The following ALK variants were observed in gnomAD, a reference collection of about 807,000 sequenced individuals.
The protein encoded by ALK is ALK tyrosine kinase receptor.
Under a neutral mutation model 163.1 loss-of-function variants are expected in ALK, and 74 were observed. The ratio of observed to expected loss-of-function variants is 0.45; its 90% CI spans 0.38 to 0.55. The LOEUF (loss-of-function observed/expected upper bound fraction) is 0.55. ALK is among the 20% of genes least tolerant of loss of function. The probability of loss-of-function intolerance (pLI) is 0.00; values close to 1 mark genes in which losing one functional copy is unlikely to be tolerated. For synonymous variants in ALK, 960 were observed against 843.2 expected (o/e 1.14, Z -2.40); for missense variants, 2,063 against 2,105.3 (o/e 0.98, Z 0.39).
At chr2:29,878,446 CT>C (rs1351908170) in intron 1 of ALK, among the ~76,000 whole-genome samples, 2 of 152,202 alleles carry the variant, frequency 1.3e-5, no homozygotes, top group African/African-American at 4.8e-5. Flanking sequence ...GCTCACATGA[CT>C]TGCCTGAGAT....
At chr2:29,413,832 C>T (rs1669797002) in intron 4 of ALK, among the ~76,000 whole-genome samples, 1 of 152,144 alleles carries the variant, frequency 6.6e-6, no homozygotes, top group Non-Finnish European at 1.5e-5. Flanking sequence ...CTCACCCAGC[C>T]TAATTTTTAT....
chr2:29,389,769 C>T (rs1005717881), intron 4 of ALK, among the ~76,000 whole-genome samples: 1 of 152,152 alleles, frequency 6.6e-6, no homozygotes, highest in African/African-American at 2.4e-5. Flanking sequence ...TGACGCCTTC[C>T]CTGTTAGGAG....
chr2:29,422,492 C>T (rs1338399124), intron 4 of ALK, among the ~76,000 whole-genome samples: 2 of 147,112 alleles, frequency 1.4e-5, no homozygotes, highest in African/African-American at 5.5e-5. Flanking sequence ...TACTTTTGCA[C>T]CAACCTAATA....
chr2:29,383,322 T>A, intron 5 of ALK, among the ~76,000 whole-genome samples: 1 of 144,854 alleles, frequency 6.9e-6, no homozygotes, highest in Non-Finnish European at 1.5e-5. Context: ...CACTCTAGAC[T>A]TTTTTTTTTT....
At chr2:29,228,753 G>A in intron 16 of ALK, 131 bp downstream of exon 16, 5 of 693,202 alleles carry the variant, frequency 7.2e-6, no homozygotes, top group Admixed American at 2.1e-5. Flanking sequence ...AGGTCGAGAG[G>A]GAGGCGTGCA....
chr2:29,811,577 G>A (rs1350991045), intron 1 of ALK, among the ~76,000 whole-genome samples: 2 of 152,168 alleles, frequency 1.3e-5, no homozygotes, highest in Non-Finnish European at 2.9e-5. Context: ...CTAACTCATT[G>A]CTTCACACAG....
In ALK at chr2:29,517,472, T is replaced by C. The variant is rs141223403; in HGVS notation, c.1154+14443A>G. Among the ~76,000 whole-genome samples, 46 of 152,264 alleles carry C rather than the reference T, an allele frequency of 3.0e-4. No individual in the cohort carries two copies. In the East Asian group the frequency reaches 8.7e-3, roughly 29 times the overall value. ...ATTAAATCATTTAACCAATCCTCTA[T>C]GAGGACGTCCAGATTTCTTCAGAAA... is the stretch of plus-strand genomic sequence containing the variant. On this transcript the variant is annotated intron_variant, in intron 4 of 28. Transcript: ENST00000389048.
intron 5 of ALK, among the ~76,000 whole-genome samples, chr2:29,374,358 A>T (rs187585631): frequency 6.6e-6 from 1 of 152,266 alleles, no homozygotes; most frequent in Admixed American, 6.5e-5. Flanking sequence ...ATCCAAATAC[A>T]TTCAGTCTGA....
Position 29,214,014 on chromosome 2 carries a change from T to G in ALK, c.3713A>C (p.Gln1238Pro). Residue 1238 changes from glutamine to proline, a missense_variant, in exon 24 of 29, where the codon CAG becomes CCG. By Grantham distance (76) the Gln-to-Pro change is moderately conservative (BLOSUM62 -1). Transcript: ENST00000389048. ...HVARDIACGC[Q>P]YLEENHFIHR... ...GATGAAGTGGTTTTCCTCCAAATAC[T>G]GACAGCCACAGGCAATGTCCCGAGC... 1 of 1,613,946 alleles carries G rather than the reference T, an allele frequency of 6.2e-7. No homozygotes were observed.
At chr2:29,636,759 T>C (rs1676545179) in intron 3 of ALK, among the ~76,000 whole-genome samples, 3 of 152,148 alleles carry the variant, frequency 2.0e-5, no homozygotes, top group Admixed American at 6.6e-5. Context: ...ATTAAAAATA[T>C]TCAAATTAGA....
rs544738201 is a variant in ALK at position 29,773,548 on chromosome 2, G to A, written c.668-55851C>T. Among the ~76,000 whole-genome samples, 15 of 152,242 alleles carry A rather than the reference G, an allele frequency of 9.9e-5. No homozygotes were observed. The South Asian group carries it at 3.1e-3, about 32-fold the overall frequency. On this transcript the variant is annotated intron_variant, in intron 1 of 28. Transcript: ENST00000389048. ...GACACTGGCACTGATGACCGCAAAGGGCAAAACTCATTAGATAATGATGAG... is the reference window on the plus strand; with the variant it reads ...GACACTGGCACTGATGACCGCAAAGAGCAAAACTCATTAGATAATGATGAG...
intron 3 of ALK, among the ~76,000 whole-genome samples, chr2:29,678,260 G>C (rs1677945618): frequency 6.6e-6 from 1 of 151,690 alleles, no homozygotes; most frequent in African/African-American, 2.4e-5. Flanking sequence ...AAATTTTTGG[G>C]TTCAATGATT....
intron 3 of ALK, among the ~76,000 whole-genome samples, chr2:29,600,563 C>A (rs1675354458): frequency 6.6e-6 from 1 of 152,154 alleles, no homozygotes; most frequent in Non-Finnish European, 1.5e-5. Context: ...AGAAACAGAT[C>A]CTAAGCCTGC....
intron 4 of ALK, among the ~76,000 whole-genome samples, chr2:29,386,912 A>G (rs1669045130): frequency 6.6e-6 from 1 of 152,138 alleles, no homozygotes; most frequent in Admixed American, 6.5e-5. Flanking sequence ...GTCTGCCTCC[A>G]TTTTCTTTGC....
At chr2:29,479,034 G>A (rs1439086410) in intron 4 of ALK, among the ~76,000 whole-genome samples, 5 of 152,184 alleles carry the variant, frequency 3.3e-5, no homozygotes, top group Admixed American at 3.3e-4. Context: ...CCTCATAAAA[G>A]GGTCCTAGAC....
At position 29,523,858 on chromosome 2, in the gene ALK, G is replaced by GTCTTTTTTTT. The variant is rs1672879628; in HGVS notation, c.1154+8056_1154+8057insAAAAAAAAGA. 3.6e-5 allele frequency among the ~76,000 whole-genome samples: 4 copies of GTCTTTTTTTT among 110,950 alleles called. 2 individuals carry two copies. Among genetic ancestry groups the GTCTTTTTTTT allele is most frequent in the South Asian group, 6.3e-4 (2 of 3,176 alleles). 72.8% of individuals were successfully genotyped at this position (110,950 alleles called of 152,430 possible). A position where few individuals can be genotyped will look rare whatever the true frequency, so the allele number is the denominator to read the frequency against. ...AGGTCAGAACTGGCAGAAGCTGAAG[G>GTCTTTTTTTT]TTTTTTTTTTTTTTTTTTTTTTTTT... On this transcript the variant is annotated intron_variant, in intron 4 of 28. Coordinates refer to ENST00000389048, the MANE Select transcript of ALK (RefSeq NM_004304.5).
intron 4 of ALK, among the ~76,000 whole-genome samples, chr2:29,439,565 T>C (rs1260807922): frequency 1.3e-5 from 2 of 151,878 alleles, no homozygotes; most frequent in African/African-American, 4.8e-5. Context: ...AAAAGATGTG[T>C]TGAAATCCTA....
chr2:29,909,655 C>A (rs1558544402), intron 1 of ALK, among the ~76,000 whole-genome samples: 1 of 152,148 alleles, frequency 6.6e-6, no homozygotes, highest in Non-Finnish European at 1.5e-5. Flanking sequence ...GAACTGTAAG[C>A]CAAACAATTT....
intron 6 of ALK, among the ~76,000 whole-genome samples, chr2:29,324,080 C>T (rs1667168657): frequency 6.6e-6 from 1 of 152,222 alleles, no homozygotes; most frequent in Admixed American, 6.5e-5. Flanking sequence ...TGGAGAAGCA[C>T]TGTTCTAACC....
Sources: gnomAD v4.1 joint callset for allele counts (sites outside exome capture counted in the v4.1 genomes callset) on GRCh38, gnomAD v4.1.1 for gene constraint, MANE v1.5 for transcripts, NCBI Gene and HGNC (gene_info 2026-07-23, HGNC 2026-07-21) for gene names.